Variants in NSMCE1 observed in about 807,000 individuals in gnomAD.
The protein encoded by NSMCE1 is NSE1 component of SMC5/6 complex.
Under a neutral mutation model 29.6 loss-of-function variants are expected in NSMCE1, and 18 were observed. The observed-to-expected ratio is 0.61, with a 90% CI of 0.42 to 0.90. NSMCE1 has a LOEUF of 0.90. NSMCE1 is among the 40% of genes least tolerant of loss of function. NSMCE1 has a pLI of 0.00. For missense variants in NSMCE1, 314 were observed against 343.6 expected (o/e 0.91, Z 0.68); for synonymous variants, 124 against 133.4 (o/e 0.93, Z 0.49).
intron 1 of NSMCE1, among the ~76,000 whole-genome samples, chr16:27,259,234 C>G (rs1233221534): frequency 6.6e-6 from 1 of 152,146 alleles, no homozygotes; most frequent in African/African-American, 2.4e-5. Flanking sequence ...TCTCCCAAGT[C>G]CTTCTCTTTG....
At chr16:27,231,439 C>A (rs1348637049) in intron 5 of NSMCE1, among the ~76,000 whole-genome samples, 1 of 152,142 alleles carries the variant, frequency 6.6e-6, no homozygotes. Flanking sequence ...GAGTTCGAGA[C>A]CAGCCTGGTC....
chr16:27,261,161 C>T (rs1190906866), intron 1 of NSMCE1, among the ~76,000 whole-genome samples: 18 of 103,976 alleles, frequency 1.7e-4, no homozygotes, highest in South Asian at 3.6e-4. Context: ...AGCAAGACTC[C>T]GTCTCAAAAA....
At chr16:27,257,771 G>A (rs1384512199) in intron 1 of NSMCE1, among the ~76,000 whole-genome samples, 190 bp from the exon 2 acceptor site, 1 of 152,102 alleles carries the variant, frequency 6.6e-6, no homozygotes, top group Non-Finnish European at 1.5e-5. Flanking sequence ...GGTAAGAGGT[G>A]TGGATTCTGG....
At chr16:27,249,387 T>C (rs891222118) in intron 2 of NSMCE1, among the ~76,000 whole-genome samples, 8 of 152,252 alleles carry the variant, frequency 5.3e-5, no homozygotes, top group African/African-American at 1.7e-4. Flanking sequence ...TATGTTTTCT[T>C]CTGGAAGTTT....
chr16:27,230,064 C>T (rs569305836), intron 5 of NSMCE1, among the ~76,000 whole-genome samples: 1 of 152,302 alleles, frequency 6.6e-6, no homozygotes, highest in South Asian at 2.1e-4. Context: ...GTCAGGACCT[C>T]GTGTAGGGAG....
Position 27,235,246 on chromosome 16 carries a change from A to C in NSMCE1, c.190T>G (p.Leu64Val), listed in dbSNP as rs2083806615. ...TTTATCTCAATATACAAGGACTCCA[A>C]GACACTGTTAATGTTGTTGATGAAG... is the stretch of plus-strand genomic sequence containing the variant. ...EDFINNINSV[L>V]ESLYIEIKRG... Residue 64 changes from leucine (L) to valine (V), a missense_variant, in exon 3 of 8, where the codon TTG becomes GTG. By Grantham distance (32) the Leu-to-Val change is conservative (BLOSUM62 1). Transcript: ENST00000361439. 6.2e-7 allele frequency: 1 copy of C among 1,613,444 alleles called. No homozygotes were observed. The highest frequency in any genetic ancestry group is 1.3e-5 in the African/African-American group (1 of 74,874).
chr16:27,226,310 A>C (rs2083690657), intron 6 of NSMCE1: 2 of 219,664 alleles, frequency 9.1e-6, no homozygotes, highest in Non-Finnish European at 1.8e-5. Context: ...AAAACGATAG[A>C]AACTGAAAGA....
At chr16:27,249,172 T>C (rs1425564213) in intron 2 of NSMCE1, among the ~76,000 whole-genome samples, 1 of 152,248 alleles carries the variant, frequency 6.6e-6, no homozygotes, top group Non-Finnish European at 1.5e-5. Flanking sequence ...GAATTCTCTA[T>C]ATATTCTGAA....
chr16:27,249,702 G>A (rs536131886), intron 2 of NSMCE1, among the ~76,000 whole-genome samples: 1 of 152,152 alleles, frequency 6.6e-6, no homozygotes, highest in Non-Finnish European at 1.5e-5. Flanking sequence ...ATCAGGCAGG[G>A]TTCCTCAAGT....
In NSMCE1 at chr16:27,233,282, C is replaced by T. The variant is rs577031494; in HGVS notation, c.337-135G>A. 40 of 699,546 alleles carry T rather than the reference C, an allele frequency of 5.7e-5. 1 individual carries two copies. In the Admixed American group the frequency reaches 6.8e-4, roughly 12 times the overall value. 43.3% of individuals were successfully genotyped at this position (699,546 alleles called of 1,614,324 possible). On this transcript the variant is annotated intron_variant, in intron 4 of 7. Transcript: ENST00000361439. The stretch of plus-strand genomic sequence containing the variant: ...AGAACTGTACACTGGCATGGTATTC[C>T]GGGAAAACAATTTAATGTGCATCAA...
chr16:27,264,111 C>G (rs1231747403), intron 1 of NSMCE1, among the ~76,000 whole-genome samples: 1 of 152,194 alleles, frequency 6.6e-6, no homozygotes, highest in African/African-American at 2.4e-5. Context: ...TGCCTGTAAT[C>G]CCAGCACTTT....
chr16:27,265,435 T>C (rs989767268), intron 1 of NSMCE1, among the ~76,000 whole-genome samples: 1 of 152,150 alleles, frequency 6.6e-6, no homozygotes, highest in African/African-American at 2.4e-5. Flanking sequence ...CCCAAAGTGC[T>C]GGGATTACAG....
intron 5 of NSMCE1, 102 bp from the exon 6 acceptor site, chr16:27,226,938 CA>C: frequency 1.3e-6 from 1 of 767,606 alleles, no homozygotes; most frequent in South Asian, 1.6e-5. Context: ...CAGGAAGACA[CA>C]AGGGTCTACG....
intron 2 of NSMCE1, among the ~76,000 whole-genome samples, chr16:27,245,148 C>T (rs906259367): frequency 2.0e-5 from 3 of 152,172 alleles, no homozygotes; most frequent in African/African-American, 4.8e-5. Flanking sequence ...CTGTGCCAGG[C>T]GCTGAACATA....
chr16:27,241,412 G>C (rs1287375995), intron 2 of NSMCE1: 1 of 154,910 alleles, frequency 6.5e-6, no homozygotes, highest in Non-Finnish European at 1.4e-5. Flanking sequence ...ACAGCACTGA[G>C]GACAGGGCAG....
intron 2 of NSMCE1, among the ~76,000 whole-genome samples, chr16:27,246,518 G>T (rs1340325538): frequency 6.6e-6 from 1 of 152,094 alleles, no homozygotes; most frequent in African/African-American, 2.4e-5. Flanking sequence ...TTGGAACAGG[G>T]TCTTGCTCTG....
At chr16:27,237,050 A>C (rs181958131) in intron 2 of NSMCE1, among the ~76,000 whole-genome samples, 1 of 152,368 alleles carries the variant, frequency 6.6e-6, no homozygotes, top group Non-Finnish European at 1.5e-5. Context: ...CTGTCAGAGG[A>C]TCAGACTGTG....
At chr16:27,229,983 G>C (rs547015233) in intron 5 of NSMCE1, among the ~76,000 whole-genome samples, 85 of 152,350 alleles carry the variant, frequency 5.6e-4, no homozygotes, top group African/African-American at 1.7e-3. Context: ...AGGGGCAGGA[G>C]GGATGCCCTA....
chr16:27,257,196 AC>A, intron 2 of NSMCE1: 1 of 376,486 alleles, frequency 2.7e-6, no homozygotes, highest in Non-Finnish European at 4.7e-6. Flanking sequence ...GGTGTGAACC[AC>A]AACTATACAG....
Sources: gnomAD v4.1 joint callset for allele counts (sites outside exome capture counted in the v4.1 genomes callset) on GRCh38, gnomAD v4.1.1 for gene constraint, MANE v1.5 for transcripts, NCBI Gene and HGNC (gene_info 2026-07-23, HGNC 2026-07-21) for gene names.